The following ANKRD11 variants were observed in gnomAD, a reference collection of about 807,000 sequenced individuals.
The protein encoded by ANKRD11 is ankyrin repeat domain-containing protein 11.
ANKRD11 carries 17 observed loss-of-function variants against 195.7 expected under a neutral mutation model. The observed-to-expected ratio is 0.09, with a 90% CI of 0.06 to 0.13. ANKRD11 has a LOEUF of 0.13. ANKRD11 is among the 10% of genes least tolerant of loss of function. ANKRD11 has a pLI of 1.00. For missense variants in ANKRD11, 3,735 were observed against 3,566.1 expected (o/e 1.05, Z -1.21); for synonymous variants, 1,953 against 1,528.1 (o/e 1.28, Z -6.49).
chr16:89,472,316 G>A (rs1221804396), intron 1 of ANKRD11, among the ~76,000 whole-genome samples: 4 of 152,004 alleles, frequency 2.6e-5, no homozygotes, highest in Non-Finnish European at 4.4e-5. Flanking sequence ...GGATCTGTAG[G>A]GACGGTACCA....
intron 2 of ANKRD11, among the ~76,000 whole-genome samples, chr16:89,380,788 C>T (rs1003432829): frequency 1.3e-5 from 2 of 152,244 alleles, no homozygotes; most frequent in Non-Finnish European, 2.9e-5. Context: ...GGCAGCAGGG[C>T]TGCGTAACCA....
At position 89,285,023 on chromosome 16, in the gene ANKRD11, G is replaced by C; in HGVS notation, c.1519C>G (p.Leu507Val). 6.2e-7 allele frequency: 1 copy of C among 1,614,040 alleles called. No individual in the cohort carries two copies. Among genetic ancestry groups the C allele is most frequent in the South Asian group, 1.1e-5 (1 of 91,088 alleles). The change falls in exon 9 of 13, where the codon CTG becomes GTG. Residue 507 changes from leucine (L) to valine (V), a missense_variant. Physicochemically the swap from Leu to Val is conservative, Grantham distance 32. Transcript: ENST00000301030. The surrounding 1 kb of genome is among the most constrained non-coding windows in gnomAD (Gnocchi z 5.6). ...GSSGCLKGSPLVLKDPSLFSS... is the reference protein window; with the variant it reads ...GSSGCLKGSPVVLKDPSLFSS... ...AACAGGGAGGGGTCCTTCAGCACCA[G>C]CGGGGACCCCTTGAGGCAGCCAGAG... is the stretch of plus-strand genomic sequence containing the variant.
At chr16:89,324,084 T>A (rs2037537213) in intron 2 of ANKRD11, among the ~76,000 whole-genome samples, 1 of 152,328 alleles carries the variant, frequency 6.6e-6, no homozygotes, top group Middle Eastern at 3.4e-3. Flanking sequence ...TCTCTTGACC[T>A]CATGATCTGC....
At chr16:89,334,428 A>G (rs1418074083) in intron 2 of ANKRD11, among the ~76,000 whole-genome samples, 1 of 152,080 alleles carries the variant, frequency 6.6e-6, no homozygotes, top group African/African-American at 2.4e-5. Context: ...CAAGCCTGCC[A>G]TTCTCTGAGG....
chr16:89,425,098 T>G (rs79758609), intron 1 of ANKRD11, among the ~76,000 whole-genome samples: 1 of 148,274 alleles, frequency 6.7e-6, no homozygotes, highest in Non-Finnish European at 1.5e-5. Context: ...AAAAAAAAAG[T>G]CCAAAAAAGA....
chr16:89,403,052 T>A (rs2041765308), intron 2 of ANKRD11, among the ~76,000 whole-genome samples: 1 of 152,176 alleles, frequency 6.6e-6, no homozygotes, highest in African/African-American at 2.4e-5. Flanking sequence ...CTCGCTCAAC[T>A]GCGTGGTGGC....
chr16:89,441,312 T>A (rs1207971856), intron 1 of ANKRD11, among the ~76,000 whole-genome samples: 1 of 152,152 alleles, frequency 6.6e-6, no homozygotes, highest in Non-Finnish European at 1.5e-5. Flanking sequence ...AAATGAATTT[T>A]CATTCTGAAG....
At chr16:89,385,349 G>A (rs926539746) in intron 2 of ANKRD11, among the ~76,000 whole-genome samples, 2 of 151,638 alleles carry the variant, frequency 1.3e-5, no homozygotes, top group Admixed American at 6.6e-5. Flanking sequence ...GGCTGGTCTC[G>A]AACTCCTGAC....
chr16:89,286,538 G>T, intron 7 of ANKRD11: 1 of 633,320 alleles, frequency 1.6e-6, no homozygotes, highest in Non-Finnish European at 2.3e-6. Context: ...CTCCCCTCCC[G>T]CCAACAGTGA....
chr16:89,361,976 C>CT (rs1323005181), intron 2 of ANKRD11, among the ~76,000 whole-genome samples: 1 of 152,180 alleles, frequency 6.6e-6, no homozygotes. Context: ...CGGCCAGGGG[C>CT]TTGTGAGAGT....
At chr16:89,343,390 T>C (rs1270264356) in intron 2 of ANKRD11, among the ~76,000 whole-genome samples, 1 of 152,260 alleles carries the variant, frequency 6.6e-6, no homozygotes, top group Non-Finnish European at 1.5e-5. Flanking sequence ...AAACTGAATT[T>C]GTGGCAAATT....
intron 1 of ANKRD11, among the ~76,000 whole-genome samples, chr16:89,489,912 G>A (rs1337032549): frequency 7.9e-5 from 11 of 139,332 alleles, no homozygotes; most frequent in Non-Finnish European, 1.6e-4. Context: ...CCCGCCCGGA[G>A]CCCCCGTCCG....
At chr16:89,370,347 A>C (rs1009140115) in intron 2 of ANKRD11, among the ~76,000 whole-genome samples, 1 of 152,172 alleles carries the variant, frequency 6.6e-6, no homozygotes, top group Non-Finnish European at 1.5e-5. Context: ...TGCAGTCCAG[A>C]AGGGGAGACA....
At chr16:89,485,212 G>A (rs991045649) in intron 1 of ANKRD11, among the ~76,000 whole-genome samples, 7 of 151,996 alleles carry the variant, frequency 4.6e-5, no homozygotes, top group Admixed American at 2.6e-4. Context: ...GGCTAGGCGC[G>A]GTAGTTCACA....
chr16:89,415,447 G>A lies in ANKRD11; in HGVS notation c.-60+2837C>T, dbSNP rs560209910. 1.9e-4 allele frequency among the ~76,000 whole-genome samples: 28 copies of A among 149,728 alleles called. 2 individuals are homozygous for A. Among genetic ancestry groups the A allele is most frequent in the African/African-American group, 6.2e-4 (25 of 40,330 alleles). ...GCCCGGCTAATTTTTTGTATTTTTA[G>A]TAGAGACGGGGTTTCACCGTGTTAG... On this transcript the variant is annotated intron_variant, in intron 2 of 12. Coordinates refer to ENST00000301030, the MANE Select transcript of ANKRD11 (RefSeq NM_013275.6).
intron 1 of ANKRD11, among the ~76,000 whole-genome samples, chr16:89,434,526 T>C (rs2043130917): frequency 6.6e-6 from 1 of 152,196 alleles, no homozygotes; most frequent in Non-Finnish European, 1.5e-5. Context: ...CCAGGCCACC[T>C]GAGCCCCACC....
At chr16:89,302,277 G>A (rs780396648) in intron 4 of ANKRD11, among the ~76,000 whole-genome samples, 5 of 152,106 alleles carry the variant, frequency 3.3e-5, no homozygotes, top group South Asian at 2.1e-4. Flanking sequence ...ATTTAGAGAC[G>A]GAGTCTTGCT....
chr16:89,279,104 C>T lies in ANKRD11; in HGVS notation c.7438G>A (p.Gly2480Ser). The T allele has an allele frequency of 3.1e-6, 5 of 1,613,988 alleles. No homozygotes were observed. Among genetic ancestry groups the T allele is most frequent in the Non-Finnish European group, 4.2e-6 (5 of 1,179,970 alleles). The change falls in exon 9 of 13, where the codon GGC (glycine) becomes AGC (serine). Residue 2480 changes from glycine to serine, a missense_variant. Coordinates refer to ENST00000301030, the MANE Select transcript of ANKRD11 (RefSeq NM_013275.6). This position sits in a 1 kb window ranked among gnomAD's most constrained non-coding sequence, Gnocchi z 5.6. ...ATGTGGAGCTTGCTGAGCGGCTTGCCGTCCAGGAGGTAGGAGCCCGTGTAG... is the reference window on the plus strand; with the variant it reads ...ATGTGGAGCTTGCTGAGCGGCTTGCTGTCCAGGAGGTAGGAGCCCGTGTAG... ...VTYTGSYLLD[G>S]KPLSKLHIPV...
At chr16:89,270,268 TA>T (rs2033021163) in intron 12 of ANKRD11, 1 of 208,968 alleles carries the variant, frequency 4.8e-6, no homozygotes, top group African/African-American at 2.3e-5. Flanking sequence ...ATACTGCAGG[TA>T]GCCGGGGCCG....
Sources: allele counts gnomAD v4.1 joint callset (sites outside exome capture counted in the v4.1 genomes callset), GRCh38; gene constraint gnomAD v4.1.1; non-coding constraint Gnocchi (gnomAD v3.1); transcripts MANE v1.5; gene names NCBI Gene and HGNC (gene_info 2026-07-23, HGNC 2026-07-21).